The following CRADD variants were observed in gnomAD, a reference collection of about 807,000 sequenced individuals.
CRADD encodes CARD and death domain containing adaptor protein.
CRADD carries 9 observed loss-of-function variants against 15.5 expected under a neutral mutation model. The observed-to-expected ratio is 0.58, with a 90% confidence interval of 0.35 to 1.01. The LOEUF (loss-of-function observed/expected upper bound fraction) is 1.01, where lower values mean the gene tolerates loss of function less well. CRADD is among the 50% of genes least tolerant of loss of function. CRADD has a pLI of 0.02. For missense variants in CRADD, 227 were observed against 250.3 expected (o/e 0.91, Z 0.63); for synonymous variants, 118 against 107.6 (o/e 1.10, Z -0.60).
Position 93,710,232 on chromosome 12 carries a change from A to C in CRADD, c.298+31160A>C, listed in dbSNP as rs554542862. 2.8e-4 allele frequency among the ~76,000 whole-genome samples: 43 copies of C among 151,774 alleles called. No homozygotes were observed. In the South Asian group the frequency reaches 8.9e-3, roughly 32 times the overall value. The stretch of plus-strand genomic sequence containing the variant: ...TGTTGGCTGTGCACTAGAGTTCCTT[A>C]GTTTTCCTCCATAATATCTCATTTC... On this transcript the variant is annotated intron_variant, in intron 2 of 2. Transcript: ENST00000332896.
chr12:93,855,845 G>T (rs573147091), intron 2 of CRADD, among the ~76,000 whole-genome samples: 1 of 152,328 alleles, frequency 6.6e-6, no homozygotes, highest in South Asian at 2.1e-4. Flanking sequence ...TTGAGACGGA[G>T]TCTTGCTCTG....
chr12:93,699,903 A>G (rs1592898369), intron 2 of CRADD, among the ~76,000 whole-genome samples: 2 of 152,340 alleles, frequency 1.3e-5, no homozygotes, highest in East Asian at 3.9e-4. Context: ...GGTAACATGC[A>G]TACGAATTCT....
chr12:93,692,353 T>G (rs180815832), intron 2 of CRADD, among the ~76,000 whole-genome samples: 1 of 152,144 alleles, frequency 6.6e-6, no homozygotes, highest in Non-Finnish European at 1.5e-5. Flanking sequence ...GGGAAAGATA[T>G]AATATCCAGG....
At position 93,679,043 on chromosome 12, in the gene CRADD, G is replaced by A; in HGVS notation, c.269G>A (p.Arg90Lys). The A allele has an allele frequency of 6.2e-7, 1 of 1,614,064 alleles. No homozygotes were observed. Among genetic ancestry groups the A allele is most frequent in the South Asian group, 1.1e-5 (1 of 91,076 alleles). ...PWVREKLKKAREEAMTDLPAG... is the reference protein window; with the variant it reads ...PWVREKLKKAKEEAMTDLPAG... ...GTCAGGGAGAAGCTGAAGAAGGCAA[G>A]GGAAGAGGCCATGACCGACCTGCCT... The change falls in exon 2 of 3, where the codon AGG (arginine) becomes AAG (lysine). Residue 90 changes from arginine to lysine, a missense_variant. Transcript: ENST00000332896.
chr12:93,781,424 G>C (rs1957208818), intron 2 of CRADD, among the ~76,000 whole-genome samples: 1 of 152,170 alleles, frequency 6.6e-6, no homozygotes, highest in Non-Finnish European at 1.5e-5. Context: ...AAGGGTGCTA[G>C]AAAAGTTTTA....
At position 93,698,583 on chromosome 12, in the gene CRADD, T is replaced by G. The variant is rs189582327; in HGVS notation, c.298+19511T>G. Among the ~76,000 whole-genome samples the G allele has an allele frequency of 1.5e-3, 225 of 152,328 alleles. 1 individual carries two copies. Among genetic ancestry groups the G allele is most frequent in the African/African-American group, 4.9e-3 (203 of 41,576 alleles). ...TGTTTGTCTTTCTATGAGTATACTG[T>G]TTCAAAGTGTTTCACTAGATTATAA... On this transcript the variant is annotated intron_variant, in intron 2 of 2. Transcript: ENST00000332896.
chr12:93,706,257 G>T (rs192065951), intron 2 of CRADD, among the ~76,000 whole-genome samples: 11 of 152,274 alleles, frequency 7.2e-5, no homozygotes, highest in Non-Finnish European at 1.6e-4. Flanking sequence ...CATGCCCTTA[G>T]CTTTCAGGGT....
intron 2 of CRADD, among the ~76,000 whole-genome samples, chr12:93,789,439 G>T (rs1436408672): frequency 6.6e-6 from 1 of 152,182 alleles, no homozygotes; most frequent in African/African-American, 2.4e-5. Flanking sequence ...ACAGGATGAC[G>T]ATTGGTTTAG....
intron 2 of CRADD, among the ~76,000 whole-genome samples, chr12:93,864,805 A>G (rs1349681522): frequency 6.6e-6 from 1 of 152,222 alleles, no homozygotes; most frequent in Non-Finnish European, 1.5e-5. Context: ...GAGTCAAAAA[A>G]TCTTACACAT....
At chr12:93,837,810 A>G (rs1565933177) in intron 2 of CRADD, 1 of 152,222 alleles carries the variant, frequency 6.6e-6, no homozygotes, top group Non-Finnish European at 1.5e-5. Context: ...ACAAAGAAGA[A>G]AGCAGTCTAA....
intron 2 of CRADD, among the ~76,000 whole-genome samples, chr12:93,893,058 C>T (rs914245802): frequency 1.3e-5 from 2 of 152,182 alleles, no homozygotes; most frequent in Non-Finnish European, 2.9e-5. Flanking sequence ...GCCCTGTCCT[C>T]CAGGACTCGG....
chr12:93,779,308 A>G (rs1189352549), intron 2 of CRADD, among the ~76,000 whole-genome samples: 5 of 152,176 alleles, frequency 3.3e-5, no homozygotes, highest in African/African-American at 1.2e-4. Flanking sequence ...TTTTTTATTG[A>G]AGTAGAATTG....
At position 93,731,013 on chromosome 12, in the gene CRADD, C is replaced by T. The variant is rs147469980; in HGVS notation, c.298+51941C>T. On this transcript the variant is annotated intron_variant, in intron 2 of 2. Transcript: ENST00000332896. ...GATTATAGGTGTGAGCCACTGCACC[C>T]GGCTGACCCTCATTTGCTATTGGAT... is the stretch of plus-strand genomic sequence containing the variant. 6.0e-3 allele frequency among the ~76,000 whole-genome samples: 914 copies of T among 152,092 alleles called. 7 individuals carry two copies. The highest frequency in any genetic ancestry group is 0.021 in the African/African-American group (869 of 41,468).
intron 2 of CRADD, among the ~76,000 whole-genome samples, chr12:93,730,431 C>T (rs1047201455): frequency 8.5e-5 from 13 of 152,208 alleles, no homozygotes; most frequent in African/African-American, 3.1e-4. Flanking sequence ...CCTGCACTCT[C>T]ATATATTGCT....
At chr12:93,723,383 T>G (rs1956298685) in intron 2 of CRADD, among the ~76,000 whole-genome samples, 2 of 152,220 alleles carry the variant, frequency 1.3e-5, no homozygotes, top group Admixed American at 1.3e-4. Flanking sequence ...TGCATTCTGA[T>G]GAACCAACCA....
chr12:93,729,935 G>T (rs548965637), intron 2 of CRADD, among the ~76,000 whole-genome samples: 2 of 152,226 alleles, frequency 1.3e-5, no homozygotes, highest in East Asian at 1.9e-4. Flanking sequence ...GCTCTTACAG[G>T]TTAATAAATA....
intron 2 of CRADD, among the ~76,000 whole-genome samples, chr12:93,732,139 GAAAA>G (rs560657069): frequency 1.9e-5 from 2 of 105,754 alleles, no homozygotes; most frequent in East Asian, 5.3e-4. Flanking sequence ...TCCGTCTCAA[GAAAA>G]AAAAAAAAAA....
At chr12:93,823,409 G>T (rs1957790315) in intron 2 of CRADD, among the ~76,000 whole-genome samples, 1 of 152,110 alleles carries the variant, frequency 6.6e-6, no homozygotes, top group Admixed American at 6.5e-5. Context: ...CCAAAAGAGT[G>T]ATTAATGGAT....
In CRADD at chr12:93,850,287, C is replaced by G; in HGVS notation, c.*16C>G. 6.3e-7 allele frequency: 1 copy of G among 1,577,852 alleles called. No individual in the cohort carries two copies. Among genetic ancestry groups the G allele is most frequent in the South Asian group, 1.1e-5 (1 of 87,948 alleles). On this transcript the variant is annotated 3_prime_UTR_variant, in exon 3 of 3. Transcript: ENST00000332896. This position sits in a 1 kb window ranked among gnomAD's most constrained non-coding sequence, Gnocchi z 4.0. Reference sequence around the variant, plus strand: ...GTTGGAGTGATGGTGCCTCCAGCAACCGCTGGGGAGTGTGTCCCTGAGTCA... The same window carrying G: ...GTTGGAGTGATGGTGCCTCCAGCAAGCGCTGGGGAGTGTGTCCCTGAGTCA...
Sources: gnomAD v4.1 joint callset for allele counts (sites outside exome capture counted in the v4.1 genomes callset) on GRCh38, gnomAD v4.1.1 for gene constraint, Gnocchi (gnomAD v3.1) non-coding constraint, MANE v1.5 for transcripts, NCBI Gene and HGNC (gene_info 2026-07-23, HGNC 2026-07-21) for gene names.